CPNE9: variants seen among roughly 807,000 people sequenced by gnomAD.
The protein encoded by CPNE9 is copine-9.
CPNE9 carries 59 observed loss-of-function variants against 83.0 expected under a neutral mutation model. The observed-to-expected ratio is 0.71, with a 90% CI of 0.58 to 0.88. The LOEUF (loss-of-function observed/expected upper bound fraction) is 0.88. Among genes scored for constraint, CPNE9 ranks in the 40% least tolerant of loss-of-function variants. The pLI is 0.00. For missense variants in CPNE9, 619 were observed against 720.8 expected (o/e 0.86, Z 1.62); for synonymous variants, 256 against 273.4 (o/e 0.94, Z 0.63).
intron 5 of CPNE9, 74 bp downstream of exon 5, chr3:9,705,574 T>C (rs950026098): frequency 9.7e-5 from 152 of 1,571,712 alleles, no homozygotes; most frequent in Non-Finnish European, 1.3e-4. Context: ...CTCTCAGAAC[T>C]CCTCCCAACC....
chr3:9,716,936 C>G, intron 14 of CPNE9, 122 bp from the exon 15 acceptor site: 14 of 1,026,558 alleles, frequency 1.4e-5, no homozygotes, highest in Non-Finnish European at 1.6e-5. Flanking sequence ...CCCAGACCAT[C>G]TGGATCAGAA....
chr3:9,717,818 GGGTA>G (rs1378777996), intron 15 of CPNE9, among the ~76,000 whole-genome samples: 1 of 152,074 alleles, frequency 6.6e-6, no homozygotes, highest in Non-Finnish European at 1.5e-5. Context: ...ATGGATGTGT[GGGTA>G]GGTAGGTAAA....
intron 7 of CPNE9, 148 bp downstream of exon 7, chr3:9,706,211 A>C (rs893916525): frequency 2.3e-5 from 15 of 653,320 alleles, no homozygotes; most frequent in Non-Finnish European, 3.7e-5. Flanking sequence ...AGAAAAGTCC[A>C]ATTTCCAGTG....
chr3:9,728,734 T>C (rs898323808), intron 20 of CPNE9, among the ~76,000 whole-genome samples: 5 of 152,138 alleles, frequency 3.3e-5, no homozygotes, highest in African/African-American at 1.2e-4. Flanking sequence ...TTGTTTTTTT[T>C]CTCCCTTATC....
In CPNE9 at chr3:9,729,423, G is replaced by T. The variant is rs1408914180; in HGVS notation, c.1477-84G>T. On this transcript the variant is annotated intron_variant, in intron 20 of 20. Coordinates refer to ENST00000383832, the MANE Select transcript of CPNE9 (RefSeq NM_153635.3). ...GTGATAGTTGGAAAGAGATGCTGGGGATCAAAAAAGAAGCCTCCCTGCTGC... is the reference window on the plus strand; with the variant it reads ...GTGATAGTTGGAAAGAGATGCTGGGTATCAAAAAAGAAGCCTCCCTGCTGC... The T allele has an allele frequency of 2.8e-5, 42 of 1,490,736 alleles. 1 individual carries two copies. In the South Asian group the frequency reaches 5.5e-4, roughly 19 times the overall value. 92.3% of individuals were successfully genotyped at this position (1,490,736 alleles called of 1,614,324 possible).
At chr3:9,705,419 T>TCCCCCCCCCCCCCCCCCCCCCCCCCCCCC in intron 4 of CPNE9, 45 bp from the exon 5 acceptor site, 1 of 662,640 alleles carries the variant, frequency 1.5e-6, no homozygotes, top group East Asian at 3.0e-5. Context: ...TTCCACCCTC[T>TCCCCCCCCCCCCCCCCCCCCCCCCCCCCC]CCCCCACCCA....
At chr3:9,705,585 C>G (rs1360263207) in intron 5 of CPNE9, 85 bp downstream of exon 5, 2 of 1,565,442 alleles carry the variant, frequency 1.3e-6, no homozygotes, top group African/African-American at 2.7e-5. Context: ...CCTCCCAACC[C>G]TCGACCCAGA....
At chr3:9,725,266 G>A (rs562347226) in intron 17 of CPNE9, among the ~76,000 whole-genome samples, 1 of 152,240 alleles carries the variant, frequency 6.6e-6, no homozygotes, top group African/African-American at 2.4e-5. Context: ...CAGGCACGGT[G>A]GCTCATGCCT....
intron 7 of CPNE9, among the ~76,000 whole-genome samples, chr3:9,708,667 T>C (rs2076587707): frequency 6.6e-6 from 1 of 151,670 alleles, no homozygotes; most frequent in South Asian, 2.1e-4. Flanking sequence ...GGAGTCTCGC[T>C]CTGTCACCCA....
intron 16 of CPNE9, 28 bp downstream of exon 16, chr3:9,718,238 C>T (rs11918935): frequency 0.018 from 28,971 of 1,570,368 alleles, 357 homozygotes; most frequent in African/African-American, 0.054. Flanking sequence ...GCTTACCCTC[C>T]GTGCCCTGGC....
chr3:9,719,396 G>A (rs1263293099), intron 17 of CPNE9, among the ~76,000 whole-genome samples: 1 of 152,118 alleles, frequency 6.6e-6, no homozygotes, highest in East Asian at 1.9e-4. Flanking sequence ...TTGGGTAAGA[G>A]AGAGAAGAGC....
chr3:9,728,351 C>T (rs1363862269), intron 20 of CPNE9, among the ~76,000 whole-genome samples: 3 of 152,220 alleles, frequency 2.0e-5, no homozygotes, highest in African/African-American at 7.2e-5. Flanking sequence ...AGGCCGGGCG[C>T]GGTGGCTCAC....
At chr3:9,709,233 G>A (rs1380379175) in intron 7 of CPNE9, among the ~76,000 whole-genome samples, 4 of 143,250 alleles carry the variant, frequency 2.8e-5, no homozygotes, top group East Asian at 2.2e-4. Flanking sequence ...CCGAGATCAC[G>A]CTACTGCACT....
chr3:9,718,341 G>GGGAGGGGAGCAGGGCTGGGTTT lies in CPNE9; in HGVS notation c.1114-122_1114-101dup, dbSNP rs1468761976. On this transcript the variant is annotated intron_variant, in intron 16 of 20. Transcript: ENST00000383832. ...GAAGCTATGAGAGGATAGCAGAGCA[G>GGGAGGGGAGCAGGGCTGGGTTT]GGAGGGGAGCAGGGCTGGGTTTGGA... The GGGAGGGGAGCAGGGCTGGGTTT allele has an allele frequency of 2.9e-6, 4 of 1,392,864 alleles. No homozygotes were observed. The East Asian group carries it at 9.4e-5, about 33-fold the overall frequency. 86.3% of individuals were successfully genotyped at this position (1,392,864 alleles called of 1,614,324 possible). A position where few individuals can be genotyped will look rare whatever the true frequency, so the allele number is the denominator to read the frequency against.
intron 7 of CPNE9, among the ~76,000 whole-genome samples, chr3:9,708,638 G>C (rs2076587244): frequency 6.6e-6 from 1 of 152,098 alleles, no homozygotes; most frequent in South Asian, 2.1e-4. Context: ...AAGGAGTCAA[G>C]GAATCTTTTT....
In CPNE9 at chr3:9,718,161, T is replaced by C; in HGVS notation, c.1064T>C (p.Phe355Ser). 2 of 1,614,094 alleles carry C rather than the reference T, an allele frequency of 1.2e-6. No individual in the cohort carries two copies. Among genetic ancestry groups the C allele is most frequent in the Non-Finnish European group, 1.7e-6 (2 of 1,179,964 alleles). The part of the protein sequence containing the change: ...DSDKLFPAYG[F>S]GAKLPPEGRI... ...GATAAGCTCTTCCCAGCTTATGGCT[T>C]TGGGGCCAAGCTGCCCCCAGAGGGA... Residue 355 changes from phenylalanine (F) to serine (S), a missense_variant, in exon 16 of 21, where the codon TTT becomes TCT. Around this residue, in one of 3 missense-constraint regions of CPNE9, gnomAD observed 438 missense variants for 562.9 expected, o/e 0.78. Transcript: ENST00000383832.
intron 4 of CPNE9, among the ~76,000 whole-genome samples, chr3:9,705,239 C>G (rs1394401032): frequency 6.6e-6 from 1 of 152,282 alleles, no homozygotes; most frequent in South Asian, 2.1e-4. Flanking sequence ...CGACCCCTTC[C>G]ACACAACCCT....
chr3:9,709,566 C>T (rs1257471140), intron 7 of CPNE9, among the ~76,000 whole-genome samples: 5 of 151,398 alleles, frequency 3.3e-5, no homozygotes, highest in Admixed American at 2.0e-4. Context: ...GACGGGGTTT[C>T]GCCACCGTGG....
At chr3:9,716,206 C>A (rs2076682492) in intron 14 of CPNE9, among the ~76,000 whole-genome samples, 171 bp downstream of exon 14, 1 of 152,214 alleles carries the variant, frequency 6.6e-6, no homozygotes. Flanking sequence ...TACTGCTCTT[C>A]TTAGTTCCCT....
Sources: allele counts gnomAD v4.1 joint callset (sites outside exome capture counted in the v4.1 genomes callset), GRCh38; gene constraint gnomAD v4.1.1; regional missense constraint gnomAD v4.1.1; transcripts MANE v1.5; gene names NCBI Gene and HGNC (gene_info 2026-07-23, HGNC 2026-07-21).